Variants in SLC4A4 observed in about 807,000 individuals in gnomAD.
The protein encoded by SLC4A4 is electrogenic sodium bicarbonate cotransporter 1.
In SLC4A4, 27 loss-of-function variants were observed where a neutral mutation model predicts 111.5. The ratio of observed to expected loss-of-function variants is 0.24; its 90% CI spans 0.18 to 0.33. The LOEUF is 0.33. Ranked by LOEUF, SLC4A4 falls within the 10% of genes least tolerant of loss-of-function variation. The pLI is 1.00. For missense variants in SLC4A4, 909 were observed against 1,315.5 expected, an observed-to-expected ratio of 0.69 and a Z score of 4.78; for synonymous variants, 443 against 463.4, an observed-to-expected ratio of 0.96 and a Z score of 0.57.
At chr4:71,176,870 A>G (rs1398316864) in intron 2 of SLC4A4, among the ~76,000 whole-genome samples, 1 of 152,186 alleles carries the variant, frequency 6.6e-6, no homozygotes, top group Admixed American at 6.5e-5. Context: ...TCCAAGACAC[A>G]TAATTGTCAG....
At chr4:71,418,738 A>G (rs529556918) in intron 7 of SLC4A4, among the ~76,000 whole-genome samples, 12 of 152,350 alleles carry the variant, frequency 7.9e-5, no homozygotes, top group African/African-American at 2.9e-4. Context: ...CCCATAAATT[A>G]GCCTAACCAA....
intron 6 of SLC4A4, among the ~76,000 whole-genome samples, chr4:71,393,476 C>G (rs1010752869): frequency 6.6e-6 from 1 of 152,056 alleles, no homozygotes; most frequent in Non-Finnish European, 1.5e-5. Flanking sequence ...AAGACATCAA[C>G]AAGGCAAACT....
At chr4:71,377,287 C>G (rs1473915763) in intron 6 of SLC4A4, among the ~76,000 whole-genome samples, 2 of 152,114 alleles carry the variant, frequency 1.3e-5, no homozygotes, top group African/African-American at 4.8e-5. Context: ...AATGAATGAA[C>G]AATAGAACCA....
At position 71,098,134 on chromosome 4, in the gene SLC4A4, C is replaced by A. The variant is rs569145744; in HGVS notation, c.-2+5342C>A. Among the ~76,000 whole-genome samples, 178 of 152,218 alleles carry A rather than the reference C, an allele frequency of 1.2e-3. 1 individual carries two copies. Among genetic ancestry groups the A allele is most frequent in the African/African-American group, 4.2e-3 (173 of 41,518 alleles). On this transcript the variant is annotated intron_variant, in intron 2 of 26. Coordinates refer to the SLC4A4 transcript ENST00000649996. ...TCCAGAATGGTATTACCTAGGTTGTCTTCCAGAGTTTTTATAGTTTTGTGT... is the reference window on the plus strand; with the variant it reads ...TCCAGAATGGTATTACCTAGGTTGTATTCCAGAGTTTTTATAGTTTTGTGT...
chr4:71,366,443 T>C (rs1731333353), intron 6 of SLC4A4, among the ~76,000 whole-genome samples: 1 of 151,832 alleles, frequency 6.6e-6, no homozygotes, highest in African/African-American at 2.4e-5. Context: ...TCAAGGGGAA[T>C]GTGGGTCATG....
chr4:71,169,154 C>T (rs1329418506), intron 2 of SLC4A4, among the ~76,000 whole-genome samples: 1 of 151,760 alleles, frequency 6.6e-6, no homozygotes, highest in Non-Finnish European at 1.5e-5. Context: ...GGATTACAGG[C>T]ATGTGCCACC....
At chr4:71,251,513 G>A (rs1229767881) in intron 2 of SLC4A4, among the ~76,000 whole-genome samples, 1 of 152,166 alleles carries the variant, frequency 6.6e-6, no homozygotes, top group Non-Finnish European at 1.5e-5. Context: ...CGGATTGGGA[G>A]ATATTCCCAA....
chr4:71,429,625 G>T (rs1723461501), intron 7 of SLC4A4, among the ~76,000 whole-genome samples: 4 of 152,078 alleles, frequency 2.6e-5, no homozygotes, highest in Non-Finnish European at 5.9e-5. Context: ...AAGTATTTTT[G>T]AATAATTGTA....
At chr4:71,335,235 A>T (rs1338090098) in intron 3 of SLC4A4, among the ~76,000 whole-genome samples, 1 of 152,214 alleles carries the variant, frequency 6.6e-6, no homozygotes, top group Non-Finnish European at 1.5e-5. Flanking sequence ...AAAAAAAATT[A>T]AAGCTAGTTC....
chr4:71,258,144 C>T (rs572803567), intron 3 of SLC4A4, among the ~76,000 whole-genome samples: 2 of 152,326 alleles, frequency 1.3e-5, no homozygotes, highest in African/African-American at 4.8e-5. Flanking sequence ...CTTTCTAGTC[C>T]TGTGATGTGC....
intron 12 of SLC4A4, among the ~76,000 whole-genome samples, chr4:71,457,047 A>G (rs1201672053): frequency 6.6e-6 from 1 of 152,154 alleles, no homozygotes; most frequent in Non-Finnish European, 1.5e-5. Flanking sequence ...TTGTCAGGCT[A>G]CAAATAGACA....
chr4:71,143,331 C>A (rs970719585), intron 2 of SLC4A4, among the ~76,000 whole-genome samples: 13 of 152,108 alleles, frequency 8.5e-5, no homozygotes, highest in Non-Finnish European at 1.5e-5. Flanking sequence ...GCCACATTTT[C>A]TTAATCCAGT....
At chr4:71,190,812 T>G (rs1328933236) in intron 1 of SLC4A4, among the ~76,000 whole-genome samples, 1 of 152,208 alleles carries the variant, frequency 6.6e-6, no homozygotes, top group Non-Finnish European at 1.5e-5. Context: ...AAAGGAGAGA[T>G]AAAACTTTTT....
intron 3 of SLC4A4, among the ~76,000 whole-genome samples, chr4:71,269,584 G>C (rs915286771): frequency 6.6e-6 from 1 of 152,192 alleles, no homozygotes; most frequent in Middle Eastern, 3.4e-3. Context: ...GCGTGTCTTT[G>C]CCTAGCAAGT....
intron 7 of SLC4A4, among the ~76,000 whole-genome samples, chr4:71,435,694 A>G (rs1207284047): frequency 6.6e-6 from 1 of 152,220 alleles, no homozygotes; most frequent in Non-Finnish European, 1.5e-5. Flanking sequence ...ATCTACAAAG[A>G]ACTTAAACAA....
At chr4:71,125,211 A>G (rs1198548469) in intron 2 of SLC4A4, among the ~76,000 whole-genome samples, 3 of 152,240 alleles carry the variant, frequency 2.0e-5, no homozygotes. Flanking sequence ...TAGTAATTGC[A>G]AGTATAAGAG....
At chr4:71,253,062 G>A (rs1046492582) in intron 2 of SLC4A4, among the ~76,000 whole-genome samples, 10 of 152,170 alleles carry the variant, frequency 6.6e-5, no homozygotes, top group African/African-American at 1.9e-4. Context: ...AACCAAGAAG[G>A]AGGAGTTGGA....
At chr4:71,476,251 T>A (rs1030662928) in intron 14 of SLC4A4, among the ~76,000 whole-genome samples, 3 of 151,810 alleles carry the variant, frequency 2.0e-5, no homozygotes, top group African/African-American at 7.2e-5. Flanking sequence ...ACTGAATACA[T>A]TCATCATCAA....
intron 2 of SLC4A4, among the ~76,000 whole-genome samples, chr4:71,130,489 C>T (rs150376061): frequency 1.6e-3 from 241 of 152,276 alleles, no homozygotes; most frequent in Admixed American, 2.9e-3. Flanking sequence ...TCTCCCACCT[C>T]GGCCTCCCAA....
Sources: gnomAD v4.1 joint callset for allele counts (sites outside exome capture counted in the v4.1 genomes callset) on GRCh38, gnomAD v4.1.1 for gene constraint, MANE v1.5 for transcripts, NCBI Gene and HGNC (gene_info 2026-07-23, HGNC 2026-07-21) for gene names.